The following HACD1 variants were observed in gnomAD, a reference collection of about 807,000 sequenced individuals.
HACD1 encodes 3-hydroxyacyl-CoA dehydratase 1, also known as very-long-chain (3R)-3-hydroxyacyl-CoA dehydratase 1.
Under a neutral mutation model 32.0 loss-of-function variants are expected in HACD1, and 41 were observed. The ratio of observed to expected loss-of-function variants is 1.28; its 90% CI spans 1.00 to 1.66. HACD1 has a LOEUF of 1.66. Ranked by LOEUF, HACD1 falls within the 40% of genes most tolerant of loss-of-function variation. HACD1 has a pLI of 0.00. For synonymous variants in HACD1, 142 were observed against 139.0 expected, an observed-to-expected ratio of 1.02 and a Z score of -0.15; for missense variants, 396 against 380.1, an observed-to-expected ratio of 1.04 and a Z score of -0.35.
At chr10:17,597,962 A>G (rs1834016355) in intron 5 of HACD1, among the ~76,000 whole-genome samples, 1 of 152,132 alleles carries the variant, frequency 6.6e-6, no homozygotes, top group African/African-American at 2.4e-5. Flanking sequence ...AAAAAGTCAC[A>G]AAGAGTATAT....
intron 1 of HACD1, among the ~76,000 whole-genome samples, chr10:17,609,245 C>T (rs1834194048): frequency 6.6e-6 from 1 of 151,126 alleles, no homozygotes; most frequent in Admixed American, 6.6e-5. Flanking sequence ...AGCTCCACCT[C>T]CGGGTTCATA....
chr10:17,604,069 TA>T, intron 1 of HACD1, 22 bp from the exon 2 acceptor site: 2 of 1,464,560 alleles, frequency 1.4e-6, no homozygotes, highest in Non-Finnish European at 1.9e-6. Context: ...AAGTATTTCA[TA>T]AAGTTCTTTC....
intron 1 of HACD1, among the ~76,000 whole-genome samples, chr10:17,609,982 CAAAAAAAAA>C (rs1189308859): frequency 1.5e-5 from 1 of 64,788 alleles, no homozygotes. Flanking sequence ...GACTCCATCT[CAAAAAAAAA>C]AAAAAAAAAG....
chr10:17,615,516 A>G (rs1554817906), intron 1 of HACD1: 1 of 155,128 alleles, frequency 6.4e-6, no homozygotes, highest in East Asian at 1.9e-4. Context: ...TGTCAATCAC[A>G]TTTTTCTATA....
chr10:17,610,999 C>CTTTTTTTTTT (rs71393021), intron 1 of HACD1, among the ~76,000 whole-genome samples: 11 of 103,016 alleles, frequency 1.1e-4, no homozygotes, highest in African/African-American at 4.0e-4. Context: ...AGGTCCTCTT[C>CTTTTTTTTTT]TTTTTTTTTT....
chr10:17,615,777 G>A, intron 1 of HACD1: 2 of 406,952 alleles, frequency 4.9e-6, no homozygotes, highest in Non-Finnish European at 5.0e-6. Flanking sequence ...GACCACCCTG[G>A]CCAACATGGT....
At chr10:17,594,114 T>C in intron 6 of HACD1, 91 bp downstream of exon 6, 1 of 1,127,708 alleles carries the variant, frequency 8.9e-7, no homozygotes, top group Non-Finnish European at 1.2e-6. Flanking sequence ...TAAGCAATTA[T>C]TTCTAATTAT....
chr10:17,606,092 T>C (rs1329910915), intron 1 of HACD1, among the ~76,000 whole-genome samples: 1 of 152,148 alleles, frequency 6.6e-6, no homozygotes, highest in African/African-American at 2.4e-5. Flanking sequence ...GGAGGATCAC[T>C]TGAGCACAGA....
At chr10:17,602,272 G>T (rs552870989) in intron 4 of HACD1, among the ~76,000 whole-genome samples, 1 of 152,022 alleles carries the variant, frequency 6.6e-6, no homozygotes, top group African/African-American at 2.4e-5. Flanking sequence ...GTTTCACCAC[G>T]TTAGCCAGGC....
At position 17,617,093 on chromosome 10, in the gene HACD1, T is replaced by C. The variant is rs1351434548; in HGVS notation, c.247A>G (p.Met83Val). The C allele has an allele frequency of 1.3e-6, 2 of 1,494,152 alleles. No homozygotes were observed. Among genetic ancestry groups the C allele is most frequent in the South Asian group, 1.3e-5 (1 of 79,648 alleles). 92.6% of individuals were successfully genotyped at this position (1,494,152 alleles called of 1,614,324 possible). ...TAWLTFYDIA[M>V]TAGWLVLAIA... ...CCGCGGCGCGCGTACCCCGCGGTCA[T>C]GGCGATGTCGTAGAAGGTGAGCCAG... Residue 83 changes from methionine to valine, a missense_variant, in exon 1 of 7, where the codon ATG becomes GTG. Transcript: ENST00000361271.
At chr10:17,615,738 G>T (rs782028235) in intron 1 of HACD1, 5 of 380,628 alleles carry the variant, frequency 1.3e-5, no homozygotes, top group Admixed American at 5.6e-5. Flanking sequence ...AGGCCGAAGT[G>T]GGGGAATCAT....
chr10:17,590,846 T>C (rs912484633), intron 6 of HACD1, among the ~76,000 whole-genome samples: 1 of 152,060 alleles, frequency 6.6e-6, no homozygotes, highest in African/African-American at 2.4e-5. Flanking sequence ...GACTAATTTT[T>C]CTGTTTTTAG....
chr10:17,609,314 C>G (rs1033510154), intron 1 of HACD1, among the ~76,000 whole-genome samples: 1 of 151,858 alleles, frequency 6.6e-6, no homozygotes, highest in Admixed American at 6.6e-5. Flanking sequence ...CCACCACGCC[C>G]GGCTAATTTG....
chr10:17,589,645 C>T lies in HACD1; in HGVS notation c.*719G>A, dbSNP rs1047486700. ...TTTTTTTTTAATAGTGGGGCAAATA[C>T]TTATGCTCTTCCTAACCCCTTAAAA... is the stretch of plus-strand genomic sequence containing the variant. On this transcript the variant is annotated 3_prime_UTR_variant, in exon 7 of 7. Transcript: ENST00000361271. The T allele has an allele frequency of 6.6e-6, 1 of 151,994 alleles. No homozygotes were observed. Among genetic ancestry groups the T allele is most frequent in the Non-Finnish European group, 1.5e-5 (1 of 68,024 alleles). The allele number at this position is 151,994 out of a possible 1,614,324, so 9.4% of individuals were successfully genotyped here. A position where few individuals can be genotyped will look rare whatever the true frequency, so the allele number is the denominator to read the frequency against.
At chr10:17,615,847 G>T in intron 1 of HACD1, 1 of 432,052 alleles carries the variant, frequency 2.3e-6, no homozygotes, top group East Asian at 8.1e-5. Context: ...CACGCTTGTA[G>T]TCCCAGCTAC....
At position 17,614,460 on chromosome 10, in the gene HACD1, T is replaced by C. The variant is rs1210389232; in HGVS notation, c.257+2623A>G. 4.2e-5 allele frequency among the ~76,000 whole-genome samples: 6 copies of C among 141,380 alleles called. No homozygotes were observed. In the East Asian group the frequency reaches 1.1e-3, roughly 27 times the overall value. The allele number at this position is 141,380 out of a possible 152,430, so 92.8% of individuals were successfully genotyped here. The stretch of plus-strand genomic sequence containing the variant: ...TTAATAGAGACGGGGTTTTGCCATG[T>C]TGGCTAGGCTGGTCTCAGGCGATCC... On this transcript the variant is annotated intron_variant, in intron 1 of 6. Coordinates refer to ENST00000361271, the MANE Select transcript of HACD1 (RefSeq NM_014241.4).
Position 17,598,942 on chromosome 10 carries a change from T to C in HACD1, c.605+348A>G, listed in dbSNP as rs192280257. On this transcript the variant is annotated intron_variant, in intron 5 of 6. Coordinates refer to ENST00000361271, the MANE Select transcript of HACD1 (RefSeq NM_014241.4). ...AGATTGACTATTAAAATAATTTACA[T>C]CACAGACAAAAAAAAAACATATTTT... The C allele has an allele frequency of 4.3e-4, 71 of 165,836 alleles. 2 individuals are homozygous for C. The East Asian group carries it at 8.0e-3, about 19-fold the overall frequency. The allele number at this position is 165,836 out of a possible 1,614,324, so 10.3% of individuals were successfully genotyped here. A position where few individuals can be genotyped will look rare whatever the true frequency, so the allele number is the denominator to read the frequency against.
Position 17,599,319 on chromosome 10 carries a change from G to C in HACD1, c.576C>G (p.Asp192Glu), listed in dbSNP as rs782556460. ...RYSFYTFSLL[D>E]HLPYFIKWAR... ...CCCATTTAATGAAGTATGGCAAGTG[G>C]TCAAGAAGGCTGAATGTGTAGAAGG... Residue 192 changes from aspartate (D) to glutamate (E), a missense_variant, in exon 5 of 7, where the codon GAC becomes GAG. Asp to Glu is a conservative substitution (Grantham distance 45). Transcript: ENST00000361271. 30 of 1,613,996 alleles carry C rather than the reference G, an allele frequency of 1.9e-5. No homozygotes were observed. In the East Asian group the frequency reaches 6.2e-4, roughly 34 times the overall value.
intron 1 of HACD1, among the ~76,000 whole-genome samples, chr10:17,606,649 G>A (rs1834153053): frequency 6.6e-6 from 1 of 152,182 alleles, no homozygotes; most frequent in African/African-American, 2.4e-5. Flanking sequence ...GCATTCTCAA[G>A]AGAATAATAA....
Sources: gnomAD v4.1 joint callset for allele counts (sites outside exome capture counted in the v4.1 genomes callset) on GRCh38, gnomAD v4.1.1 for gene constraint, MANE v1.5 for transcripts, NCBI Gene and HGNC (gene_info 2026-07-23, HGNC 2026-07-21) for gene names.